The following TPST1 variants were observed in gnomAD, a reference collection of about 807,000 sequenced individuals.
TPST1 encodes tyrosylprotein sulfotransferase 1.
In TPST1, 20 loss-of-function variants were observed where a neutral mutation model predicts 34.8. The ratio of observed to expected loss-of-function variants is 0.57; its 90% CI spans 0.40 to 0.84. The LOEUF (loss-of-function observed/expected upper bound fraction) is 0.84, where lower values mean the gene tolerates loss of function less well. TPST1 is among the 40% of genes least tolerant of loss of function. The pLI is 0.00. For missense variants in TPST1, 353 were observed against 455.5 expected, an observed-to-expected ratio of 0.78 and a Z score of 2.05; for synonymous variants, 152 against 159.4, an observed-to-expected ratio of 0.95 and a Z score of 0.35.
At position 66,240,633 on chromosome 7, in the gene TPST1, C is replaced by G. The variant is rs1790011506; in HGVS notation, c.208C>G (p.Pro70Ala). Residue 70 changes from proline (P) to alanine (A), a missense_variant, in exon 2 of 6, where the codon CCT becomes GCT. By Grantham distance (27) the Pro-to-Ala change is conservative. Coordinates refer to ENST00000304842, the MANE Select transcript of TPST1 (RefSeq NM_003596.4). The stretch of plus-strand genomic sequence containing the variant: ...AACCTTTGCCTATCACAAAGATATG[C>G]CTTTAATATTTATTGGAGGTGTGCC... ...NKTFAYHKDM[P>A]LIFIGGVPRS... The G allele has an allele frequency of 1.1e-5, 18 of 1,614,176 alleles. No homozygotes were observed. Among genetic ancestry groups the G allele is most frequent in the Non-Finnish European group, 1.5e-5 (18 of 1,180,032 alleles).
chr7:66,347,253 A>G (rs1234923706), intron 3 of TPST1, among the ~76,000 whole-genome samples: 1 of 151,000 alleles, frequency 6.6e-6, no homozygotes, highest in Non-Finnish European at 1.5e-5. Flanking sequence ...TTTTGAGTAG[A>G]GACGGGGTTT....
chr7:66,308,239 C>G (rs1791462131), intron 3 of TPST1, among the ~76,000 whole-genome samples: 2 of 152,186 alleles, frequency 1.3e-5, no homozygotes, highest in South Asian at 4.1e-4. Flanking sequence ...GAGTAATGAT[C>G]TCCAGAAGTT....
At chr7:66,298,578 T>G (rs1209529056) in intron 3 of TPST1, among the ~76,000 whole-genome samples, 1 of 152,240 alleles carries the variant, frequency 6.6e-6, no homozygotes, top group East Asian at 1.9e-4. Context: ...AATGGAGAGT[T>G]AATCCACTTA....
chr7:66,348,769 G>C (rs879601978), intron 3 of TPST1, among the ~76,000 whole-genome samples: 1 of 152,152 alleles, frequency 6.6e-6, no homozygotes, highest in Non-Finnish European at 1.5e-5. Flanking sequence ...TGTTATTTTC[G>C]TCGGTTTTAC....
intron 2 of TPST1, among the ~76,000 whole-genome samples, chr7:66,264,820 C>T (rs916633715): frequency 6.2e-4 from 95 of 152,190 alleles, no homozygotes; most frequent in African/African-American, 2.2e-3. Context: ...GAAGCCCAGA[C>T]GTTAGAATTT....
At chr7:66,273,604 C>A (rs10950032) in intron 2 of TPST1, among the ~76,000 whole-genome samples, 136,419 of 152,120 alleles carry the variant, frequency 0.9, 61,347 homozygotes, top group African/African-American at 0.94. Flanking sequence ...CTGAATAGAG[C>A]GCCCCCAGAA....
At chr7:66,219,309 T>C (rs1374115994) in intron 1 of TPST1, among the ~76,000 whole-genome samples, 1 of 152,118 alleles carries the variant, frequency 6.6e-6, no homozygotes, top group Non-Finnish European at 1.5e-5. Flanking sequence ...ACAACAAACA[T>C]GGGAAACCTA....
intron 2 of TPST1, 41 bp from the exon 3 acceptor site, chr7:66,286,470 A>T: frequency 7.2e-6 from 10 of 1,391,274 alleles, no homozygotes; most frequent in Non-Finnish European, 9.4e-6. Flanking sequence ...ATTTTCTAAA[A>T]AATTTTAAAT....
chr7:66,346,609 C>G (rs1393417627), intron 3 of TPST1, among the ~76,000 whole-genome samples: 1 of 152,114 alleles, frequency 6.6e-6, no homozygotes, highest in East Asian at 1.9e-4. Context: ...TTTCATATAC[C>G]TGCTTGCCAT....
intron 2 of TPST1, among the ~76,000 whole-genome samples, chr7:66,255,555 C>T (rs188264029): frequency 3.9e-5 from 6 of 152,214 alleles, no homozygotes; most frequent in African/African-American, 1.4e-4. Flanking sequence ...TACAAGATAT[C>T]ACATCATTCC....
chr7:66,208,418 T>C (rs1584131932), intron 1 of TPST1, among the ~76,000 whole-genome samples: 1 of 152,194 alleles, frequency 6.6e-6, no homozygotes, highest in Admixed American at 6.6e-5. Flanking sequence ...TTTCTTTGTG[T>C]TTCCACAGCA....
chr7:66,317,097 A>G (rs1791648414), intron 3 of TPST1, among the ~76,000 whole-genome samples: 1 of 152,256 alleles, frequency 6.6e-6, no homozygotes, highest in Admixed American at 6.5e-5. Flanking sequence ...AAAGTCTGGC[A>G]TGGAAAGACA....
chr7:66,240,262 C>A, intron 1 of TPST1, 63 bp from the exon 2 acceptor site: 2 of 828,360 alleles, frequency 2.4e-6, no homozygotes, highest in Non-Finnish European at 3.6e-6. Flanking sequence ...GTGGTGATAA[C>A]TGGTGACTGA....
chr7:66,280,636 G>A (rs1027002972), intron 2 of TPST1, among the ~76,000 whole-genome samples: 2 of 152,236 alleles, frequency 1.3e-5, no homozygotes, highest in Middle Eastern at 3.4e-3. Flanking sequence ...AGGACTTCCA[G>A]TACTGTGTTG....
chr7:66,227,502 A>T (rs12698515), intron 1 of TPST1, among the ~76,000 whole-genome samples: 1 of 151,950 alleles, frequency 6.6e-6, no homozygotes, highest in African/African-American at 2.4e-5. Context: ...GGCTCACTGC[A>T]GCGTCGACCT....
chr7:66,240,546 C>T lies in TPST1; in HGVS notation c.121C>T (p.Pro41Ser). ...TCACCGGATAGAGGAACGTAGCCAG[C>T]CAGTCAAATTGGAGAGCACAAGGAC... ...CHHRIEERSQPVKLESTRTTV... is the reference protein window; with the variant it reads ...CHHRIEERSQSVKLESTRTTV... Residue 41 changes from proline to serine, a missense_variant, in exon 2 of 6, where the codon CCA (proline) becomes TCA (serine). By Grantham distance (74) the Pro-to-Ser change is moderately conservative. Transcript: ENST00000304842. The T allele has an allele frequency of 6.2e-7, 1 of 1,614,174 alleles. No individual in the cohort carries two copies. The highest frequency in any genetic ancestry group is 2.2e-5 in the East Asian group (1 of 44,884).
intron 3 of TPST1, among the ~76,000 whole-genome samples, chr7:66,309,770 A>G (rs1006341084): frequency 6.6e-6 from 1 of 152,170 alleles, no homozygotes; most frequent in Admixed American, 6.5e-5. Context: ...TCATTTTCCC[A>G]TATACTCTTG....
chr7:66,346,941 G>A (rs1027155937), intron 3 of TPST1, among the ~76,000 whole-genome samples: 6 of 151,452 alleles, frequency 4.0e-5, no homozygotes, highest in Admixed American at 4.0e-4. Flanking sequence ...TTTTCTTTTA[G>A]CAGCTTCATA....
At chr7:66,246,935 T>C (rs1012614833) in intron 2 of TPST1, among the ~76,000 whole-genome samples, 3 of 152,200 alleles carry the variant, frequency 2.0e-5, no homozygotes, top group African/African-American at 7.2e-5. Flanking sequence ...AAAAATCAAT[T>C]GGATATTGGG....
Sources: allele counts gnomAD v4.1 joint callset (sites outside exome capture counted in the v4.1 genomes callset), GRCh38; gene constraint gnomAD v4.1.1; transcripts MANE v1.5; gene names NCBI Gene and HGNC (gene_info 2026-07-23, HGNC 2026-07-21).